Variants in DYNC1I2 observed in about 807,000 individuals in gnomAD.
DYNC1I2 encodes the protein cytoplasmic dynein 1 intermediate chain 2.
Under a neutral mutation model 88.6 loss-of-function variants are expected in DYNC1I2, and 53 were observed. The ratio of observed to expected loss-of-function variants is 0.60; its 90% CI spans 0.48 to 0.75. The LOEUF (loss-of-function observed/expected upper bound fraction) is 0.75, where lower values mean the gene tolerates loss of function less well. Among genes scored for constraint, DYNC1I2 ranks in the 30% least tolerant of loss-of-function variants. DYNC1I2 has a pLI of 0.00. For missense variants in DYNC1I2, 458 were observed against 766.6 expected (o/e 0.60, Z 4.75); for synonymous variants, 198 against 254.6 (o/e 0.78, Z 2.12).
At chr2:171,744,349 C>A (rs927901282) in intron 16 of DYNC1I2, among the ~76,000 whole-genome samples, 160 bp downstream of exon 16, 1 of 152,184 alleles carries the variant, frequency 6.6e-6, no homozygotes. Flanking sequence ...AAATAATAAA[C>A]AGCATGCTGC....
chr2:171,706,198 CTGTT>C (rs1193264713), intron 3 of DYNC1I2, among the ~76,000 whole-genome samples: 1 of 152,050 alleles, frequency 6.6e-6, no homozygotes, highest in Non-Finnish European at 1.5e-5. Context: ...TTTCAGTAGA[CTGTT>C]AAAAGAAGGG....
At chr2:171,705,857 A>G (rs1462061081) in intron 3 of DYNC1I2, among the ~76,000 whole-genome samples, 2 of 152,088 alleles carry the variant, frequency 1.3e-5, no homozygotes, top group Admixed American at 6.5e-5. Context: ...TGAAGTTTTT[A>G]TAGTCCTTTG....
intron 15 of DYNC1I2, among the ~76,000 whole-genome samples, chr2:171,739,056 C>T: frequency 7.0e-6 from 1 of 143,736 alleles, no homozygotes; most frequent in South Asian, 2.2e-4. Flanking sequence ...GCAGAGGTTG[C>T]AGTGAGCCAA....
rs1358276595 is a variant in DYNC1I2 at position 171,748,398 on chromosome 2, CA to C, written c.*512del. 1 of 152,126 alleles carries C rather than the reference CA, an allele frequency of 6.6e-6. No homozygotes were observed. Among genetic ancestry groups the C allele is most frequent in the East Asian group, 1.9e-4 (1 of 5,198 alleles). 9.4% of individuals were successfully genotyped at this position (152,126 alleles called of 1,614,324 possible). On this transcript the variant is annotated 3_prime_UTR_variant, in exon 18 of 18. Coordinates refer to ENST00000397119, the MANE Select transcript of DYNC1I2 (RefSeq NM_001378.3). ...TGTGGTAGTTACCTATAAATAAAAA[CA>C]AATATGCGTTAACTTTTCAAATTTT...
chr2:171,694,301 T>C (rs1685597577), intron 3 of DYNC1I2, among the ~76,000 whole-genome samples: 1 of 152,176 alleles, frequency 6.6e-6, no homozygotes, highest in Non-Finnish European at 1.5e-5. Flanking sequence ...GTGTTCATAT[T>C]TCTTAATTTA....
At chr2:171,744,262 C>T in intron 16 of DYNC1I2, 73 bp downstream of exon 16, 1 of 1,457,716 alleles carries the variant, frequency 6.9e-7, no homozygotes, top group Admixed American at 2.4e-5. Flanking sequence ...TTGTGAAATT[C>T]CTTTTTTTCC....
In DYNC1I2 at chr2:171,711,951, C is replaced by G. The variant is rs531084519; in HGVS notation, c.336-816C>G. Among the ~76,000 whole-genome samples the G allele has an allele frequency of 5.9e-5, 9 of 152,210 alleles. No homozygotes were observed. In the South Asian group the frequency reaches 1.0e-3, roughly 18 times the overall value. On this transcript the variant is annotated intron_variant, in intron 5 of 17. Coordinates refer to ENST00000397119, the MANE Select transcript of DYNC1I2 (RefSeq NM_001378.3). ...TATATATTGCTAACCTATATAAATG[C>G]CAGTATGATAAAGCACCTTTTGTTC...
chr2:171,705,383 AATAG>A (rs1686601631), intron 3 of DYNC1I2, among the ~76,000 whole-genome samples: 2 of 152,114 alleles, frequency 1.3e-5, no homozygotes, highest in Non-Finnish European at 2.9e-5. Flanking sequence ...GTTCATCACA[AATAG>A]ATTGATGGGA....
intron 3 of DYNC1I2, among the ~76,000 whole-genome samples, chr2:171,702,173 C>T (rs1176653156): frequency 6.6e-6 from 1 of 152,136 alleles, no homozygotes; most frequent in Non-Finnish European, 1.5e-5. Context: ...TTGGCTGTTC[C>T]TTCCCAGAAA....
intron 15 of DYNC1I2, among the ~76,000 whole-genome samples, chr2:171,732,232 G>C (rs762720100): frequency 6.6e-6 from 1 of 152,126 alleles, no homozygotes. Flanking sequence ...GCATGGTAGC[G>C]GGCACCTGTA....
Position 171,709,091 on chromosome 2 carries a change from A to G in DYNC1I2, c.335+1714A>G, listed in dbSNP as rs540059827. On this transcript the variant is annotated intron_variant, in intron 5 of 17. Transcript: ENST00000397119. ...TACCATAGTAAAAATGTTTCCCAAG[A>G]TTAAAAATTACTATATTTATTAAAT... 6.6e-5 allele frequency among the ~76,000 whole-genome samples: 10 copies of G among 152,244 alleles called. No homozygotes were observed. In the East Asian group the frequency reaches 1.9e-3, roughly 29 times the overall value.
chr2:171,690,805 T>C (rs2105449336), intron 2 of DYNC1I2, among the ~76,000 whole-genome samples: 1 of 151,928 alleles, frequency 6.6e-6, no homozygotes, highest in Non-Finnish European at 1.5e-5. Context: ...CAGGCACATG[T>C]CACTATGCTA....
intron 13 of DYNC1I2, 24 bp downstream of exon 13, chr2:171,728,442 A>C (rs2105699309): frequency 7.1e-7 from 1 of 1,405,098 alleles, no homozygotes; most frequent in Admixed American, 2.1e-5. Flanking sequence ...GGGAAACTGA[A>C]ATTTTGAGGC....
intron 14 of DYNC1I2, 43 bp downstream of exon 14, chr2:171,728,893 T>C: frequency 6.4e-7 from 1 of 1,557,892 alleles, no homozygotes; most frequent in Non-Finnish European, 8.7e-7. Flanking sequence ...AATTCCTCCT[T>C]TAATCCCATT....
intron 7 of DYNC1I2, among the ~76,000 whole-genome samples, chr2:171,720,790 A>G (rs1247364784): frequency 6.6e-6 from 1 of 152,224 alleles, no homozygotes; most frequent in Non-Finnish European, 1.5e-5. Context: ...AACACATTTA[A>G]TAAATTAGTT....
At chr2:171,739,831 G>C (rs1689291816) in intron 15 of DYNC1I2, among the ~76,000 whole-genome samples, 2 of 149,014 alleles carry the variant, frequency 1.3e-5, no homozygotes, top group South Asian at 4.3e-4. Flanking sequence ...TCAGCCTCCT[G>C]AGTAGCTGGG....
At chr2:171,714,752 G>A (rs1687369122) in intron 6 of DYNC1I2, among the ~76,000 whole-genome samples, 1 of 152,086 alleles carries the variant, frequency 6.6e-6, no homozygotes, top group Non-Finnish European at 1.5e-5. Flanking sequence ...GTGAATCAAG[G>A]ACAGTATTGA....
At chr2:171,728,678 C>G (rs767304299) in intron 13 of DYNC1I2, 39 bp from the exon 14 acceptor site, 1 of 1,477,106 alleles carries the variant, frequency 6.8e-7, no homozygotes, top group Non-Finnish European at 9.0e-7. Context: ...TTTAAAATTG[C>G]AAGTTTACAA....
rs771523798 is a variant in DYNC1I2, at chr2:171,747,855, C to G, written c.1883C>G (p.Ala628Gly). The G allele has an allele frequency of 1.7e-5, 27 of 1,610,822 alleles. No individual in the cohort carries two copies. The South Asian group carries it at 2.9e-4, about 17-fold the overall frequency. The change falls in exon 18 of 18, where the codon GCA (alanine) becomes GGA (glycine). Residue 628 changes from alanine to glycine, a missense_variant. Ala to Gly is a moderately conservative substitution (Grantham distance 60). Transcript: ENST00000397119. ...LAEINANRAD[A>G]EEEAATRIPA ...GAAATTAATGCAAACCGAGCTGATG[C>G]AGAGGAGGAAGCAGCTACCCGAATA...
Sources: allele counts gnomAD v4.1 joint callset (sites outside exome capture counted in the v4.1 genomes callset), GRCh38; gene constraint gnomAD v4.1.1; transcripts MANE v1.5; gene names NCBI Gene and HGNC (gene_info 2026-07-23, HGNC 2026-07-21).